The following B4GALT5 variants were observed in gnomAD, a reference collection of about 807,000 sequenced individuals.
B4GALT5 encodes UDP-Gal:beta-GlcNAc beta-1,4-galactosyltransferase 5.
Under a neutral mutation model 45.0 loss-of-function variants are expected in B4GALT5, and 11 were observed. That is an observed-to-expected ratio of 0.24 (90% confidence interval 0.15 to 0.40). The LOEUF (loss-of-function observed/expected upper bound fraction) is 0.40. Ranked by LOEUF, B4GALT5 falls within the 10% of genes least tolerant of loss-of-function variation. The probability of loss-of-function intolerance (pLI) is 1.00; values close to 1 mark genes in which losing one functional copy is unlikely to be tolerated. For synonymous variants in B4GALT5, 185 were observed against 182.9 expected (o/e 1.01, Z -0.09); for missense variants, 337 against 500.2 (o/e 0.67, Z 3.11).
chr20:49,684,871 G>A (rs569534999), intron 1 of B4GALT5, among the ~76,000 whole-genome samples: 7 of 152,306 alleles, frequency 4.6e-5, no homozygotes, highest in African/African-American at 1.7e-4. Flanking sequence ...TCTTAGGAGA[G>A]TTAGAAATAA....
intron 7 of B4GALT5, among the ~76,000 whole-genome samples, chr20:49,638,192 T>A (rs2085561956): frequency 6.6e-6 from 1 of 152,042 alleles, no homozygotes; most frequent in Non-Finnish European, 1.5e-5. Flanking sequence ...CTAATTTTTT[T>A]TATTTTTTGT....
intron 1 of B4GALT5, among the ~76,000 whole-genome samples, chr20:49,659,688 T>G (rs1038001188): frequency 6.6e-6 from 1 of 152,194 alleles, no homozygotes; most frequent in African/African-American, 2.4e-5. Flanking sequence ...CATCGAATGC[T>G]TCCCACTACT....
At position 49,656,831 on chromosome 20, in the gene B4GALT5, A is replaced by G. The variant is rs541961511; in HGVS notation, c.116-129T>C. 12 of 1,180,768 alleles carry G rather than the reference A, an allele frequency of 1.0e-5. No individual in the cohort carries two copies. In the Admixed American group the frequency reaches 1.8e-4, roughly 18 times the overall value. 73.1% of individuals were successfully genotyped at this position (1,180,768 alleles called of 1,614,324 possible). On this transcript the variant is annotated intron_variant, in intron 1 of 8. Transcript: ENST00000371711. ...CCTCTTTTAGTTCTTTTAAAACCCT[A>G]CATGACCATAACTCTATTTTCCATA...
intron 2 of B4GALT5, among the ~76,000 whole-genome samples, chr20:49,656,056 C>G (rs6019957): frequency 0.5 from 76,529 of 151,962 alleles, 19,824 homozygotes; most frequent in South Asian, 0.68. Context: ...GGGCCTACAG[C>G]AGGTGTTTGG....
intron 1 of B4GALT5, among the ~76,000 whole-genome samples, chr20:49,712,945 G>C (rs1285697777): frequency 1.3e-5 from 2 of 151,660 alleles, no homozygotes; most frequent in African/African-American, 4.9e-5. Flanking sequence ...GGCAGGCAGA[G>C]AGATCAGGCC....
At chr20:49,678,902 G>C (rs559181182) in intron 1 of B4GALT5, among the ~76,000 whole-genome samples, 1 of 152,136 alleles carries the variant, frequency 6.6e-6, no homozygotes, top group African/African-American at 2.4e-5. Flanking sequence ...TGGGGGCTGG[G>C]GGGAATCCCC....
intron 1 of B4GALT5, among the ~76,000 whole-genome samples, chr20:49,674,267 T>G (rs1158858546): frequency 6.6e-6 from 1 of 150,698 alleles, no homozygotes; most frequent in Non-Finnish European, 1.5e-5. Context: ...AAAGTTTGGT[T>G]TGGGATGTAT....
At chr20:49,663,690 A>AAAATATATATAT (rs1555812124) in intron 1 of B4GALT5, among the ~76,000 whole-genome samples, 3 of 96,962 alleles carry the variant, frequency 3.1e-5, no homozygotes, top group African/African-American at 1.3e-4. Context: ...AAAAAAAAAA[A>AAAATATATATAT]ATATATACAT....
chr20:49,646,182 T>C (rs1447496153), intron 3 of B4GALT5, among the ~76,000 whole-genome samples: 1 of 152,180 alleles, frequency 6.6e-6, no homozygotes, highest in African/African-American at 2.4e-5. Flanking sequence ...GTTTAGAAAG[T>C]AGAAAGGTAT....
chr20:49,697,265 C>T lies in B4GALT5; in HGVS notation c.115+16311G>A, dbSNP rs551937158. On this transcript the variant is annotated intron_variant, in intron 1 of 8. Coordinates refer to ENST00000371711, the MANE Select transcript of B4GALT5 (RefSeq NM_004776.4). ...TGTTGTCTGCTCCCAGAGCACCTGACTTCAGCAGCCACAGCACCTGCTCCT... is the reference window on the plus strand; with the variant it reads ...TGTTGTCTGCTCCCAGAGCACCTGATTTCAGCAGCCACAGCACCTGCTCCT... Among the ~76,000 whole-genome samples, 17 of 152,392 alleles carry T rather than the reference C, an allele frequency of 1.1e-4. 1 individual carries two copies. In the East Asian group the frequency reaches 1.9e-3, roughly 17 times the overall value.
In B4GALT5 at chr20:49,682,413, C is replaced by T. The variant is rs184840782; in HGVS notation, c.116-25711G>A. On this transcript the variant is annotated intron_variant, in intron 1 of 8. Coordinates refer to ENST00000371711, the MANE Select transcript of B4GALT5 (RefSeq NM_004776.4). ...AAATGATTTCCCTTATCCCTCTGAC[C>T]TCATCTCTCTAGTTCTGCACCTCAC... 1.1e-4 allele frequency among the ~76,000 whole-genome samples: 16 copies of T among 152,194 alleles called. No individual in the cohort carries two copies. The Middle Eastern group carries it at 0.014, about 129-fold the overall frequency.
chr20:49,709,868 A>C (rs1404981343), intron 1 of B4GALT5, among the ~76,000 whole-genome samples: 2 of 152,206 alleles, frequency 1.3e-5, no homozygotes, highest in Non-Finnish European at 2.9e-5. Context: ...ATTTTTTGCA[A>C]ACACACTATT....
intron 1 of B4GALT5, among the ~76,000 whole-genome samples, chr20:49,688,866 G>A (rs573522235): frequency 1.3e-5 from 2 of 151,734 alleles, no homozygotes; most frequent in South Asian, 4.2e-4. Context: ...AAGTCCGGGA[G>A]GCAGAGGTGG....
intron 1 of B4GALT5, among the ~76,000 whole-genome samples, chr20:49,679,516 A>AT (rs2085755406): frequency 6.6e-6 from 1 of 151,714 alleles, no homozygotes; most frequent in African/African-American, 2.4e-5. Context: ...AAAAAAAAAA[A>AT]ATACAAAAAA....
intron 2 of B4GALT5, among the ~76,000 whole-genome samples, chr20:49,650,705 G>A (rs946095399): frequency 2.0e-5 from 3 of 152,124 alleles, no homozygotes; most frequent in East Asian, 1.9e-4. Flanking sequence ...AAGAGACAGA[G>A]GAAATTAATT....
chr20:49,656,789 T>C (rs1336994077), intron 1 of B4GALT5, 87 bp from the exon 2 acceptor site: 4 of 1,547,086 alleles, frequency 2.6e-6, no homozygotes, highest in Non-Finnish European at 3.5e-6. Flanking sequence ...TTTTTTTTTC[T>C]TTTTGGACTT....
chr20:49,667,557 G>A (rs899163167), intron 1 of B4GALT5, among the ~76,000 whole-genome samples: 17 of 151,360 alleles, frequency 1.1e-4, no homozygotes, highest in African/African-American at 4.1e-4. Context: ...CCGGCCTGTT[G>A]TTGTTTTTGA....
chr20:49,671,153 CG>C (rs1178306868), intron 1 of B4GALT5, among the ~76,000 whole-genome samples: 3 of 152,080 alleles, frequency 2.0e-5, no homozygotes, highest in Non-Finnish European at 4.4e-5. Flanking sequence ...CCAAGGTGGG[CG>C]GATCACCTGA....
intron 1 of B4GALT5, among the ~76,000 whole-genome samples, chr20:49,686,700 G>A (rs1258992302): frequency 2.4e-5 from 3 of 124,896 alleles, no homozygotes; most frequent in East Asian, 2.4e-4. Context: ...ATGTTGCATA[G>A]GCAACATAGC....
Sources: gnomAD v4.1 joint callset for allele counts (sites outside exome capture counted in the v4.1 genomes callset) on GRCh38, gnomAD v4.1.1 for gene constraint, MANE v1.5 for transcripts, NCBI Gene and HGNC (gene_info 2026-07-23, HGNC 2026-07-21) for gene names.